The following FAM83B variants were observed in gnomAD, a reference collection of about 807,000 sequenced individuals.
FAM83B encodes the protein scaffolding CK1 anchoring protein B.
A neutral mutation model predicts 38.8 loss-of-function variants in FAM83B; 26 were observed. The observed-to-expected ratio is 0.67, with a 90% CI of 0.49 to 0.93. FAM83B has a LOEUF of 0.93. Among genes scored for constraint, FAM83B ranks in the 40% least tolerant of loss-of-function variants. The probability of loss-of-function intolerance (pLI) is 0.00; values close to 1 mark genes in which losing one functional copy is unlikely to be tolerated. For synonymous variants in FAM83B, 419 were observed against 423.1 expected (o/e 0.99, Z 0.12); for missense variants, 1,237 against 1,197.3 (o/e 1.03, Z -0.49).
At chr6:54,936,293 GTTTTCTAACCTCAAC>G (rs2127590671) in intron 4 of FAM83B, among the ~76,000 whole-genome samples, 1 of 152,144 alleles carries the variant, frequency 6.6e-6, no homozygotes, top group Non-Finnish European at 1.5e-5. Flanking sequence ...TATCTTCTTA[GTTTTCTAACCTCAAC>G]ACTTGGAAGT....
At chr6:54,925,563 T>C (rs1025193867) in intron 2 of FAM83B, among the ~76,000 whole-genome samples, 8 of 152,208 alleles carry the variant, frequency 5.3e-5, no homozygotes, top group Admixed American at 4.6e-4. Flanking sequence ...ACCTTTTTAA[T>C]TCACTTTTTT....
At chr6:54,896,289 CT>C (rs1339669583) in intron 2 of FAM83B, among the ~76,000 whole-genome samples, 1 of 152,174 alleles carries the variant, frequency 6.6e-6, no homozygotes, top group Non-Finnish European at 1.5e-5. Context: ...AACATTCTAC[CT>C]TTCTGGATTT....
At chr6:54,884,958 G>A (rs1772238896) in intron 2 of FAM83B, among the ~76,000 whole-genome samples, 1 of 152,028 alleles carries the variant, frequency 6.6e-6, no homozygotes, top group South Asian at 2.1e-4. Context: ...ATTTTTAGTA[G>A]AGACGGGGTT....
chr6:54,867,830 A>G (rs16886094), intron 1 of FAM83B, among the ~76,000 whole-genome samples: 3,180 of 152,252 alleles, frequency 0.021, 44 homozygotes, highest in Middle Eastern at 0.061. Context: ...GGTGTTTAAC[A>G]TCACATATAT....
At chr6:54,923,294 A>T (rs1282664528) in intron 2 of FAM83B, among the ~76,000 whole-genome samples, 1 of 152,104 alleles carries the variant, frequency 6.6e-6, no homozygotes, top group Non-Finnish European at 1.5e-5. Context: ...CCTTCATTTC[A>T]CTGCCTCTCA....
chr6:54,885,107 C>T (rs983280929), intron 2 of FAM83B, among the ~76,000 whole-genome samples: 2 of 151,990 alleles, frequency 1.3e-5, no homozygotes, highest in Admixed American at 6.6e-5. Context: ...GCCTTGGCTA[C>T]TCTAAATCTT....
chr6:54,923,340 T>G (rs193236145), intron 2 of FAM83B, among the ~76,000 whole-genome samples: 1 of 152,048 alleles, frequency 6.6e-6, no homozygotes, highest in Admixed American at 6.6e-5. Context: ...TATATCAAAC[T>G]TAAAGCCCAT....
At chr6:54,857,695 CT>C in intron 1 of FAM83B, among the ~76,000 whole-genome samples, 1 of 152,078 alleles carries the variant, frequency 6.6e-6, no homozygotes, top group East Asian at 1.9e-4. Flanking sequence ...ACTCAGTGGC[CT>C]TTAAGCAGCT....
At position 54,892,548 on chromosome 6, in the gene FAM83B, T is replaced by A. The variant is rs557996022; in HGVS notation, c.444+21858T>A. 4.4e-3 allele frequency among the ~76,000 whole-genome samples: 670 copies of A among 151,946 alleles called. 8 individuals carry two copies. The highest frequency in any genetic ancestry group is 0.015 in the African/African-American group (638 of 41,486). On this transcript the variant is annotated intron_variant, in intron 2 of 4. Coordinates refer to ENST00000306858, the MANE Select transcript of FAM83B (RefSeq NM_001010872.3). ...TTTAGTTTTCTGTTTCTGTGTTAGT[T>A]TGCTGAGGATAATGGCCTCCTCCAT...
At position 54,874,982 on chromosome 6, in the gene FAM83B, G is replaced by T. The variant is rs144635083; in HGVS notation, c.444+4292G>T. 2.1e-4 allele frequency among the ~76,000 whole-genome samples: 32 copies of T among 152,262 alleles called. 1 individual carries two copies. The East Asian group carries it at 5.6e-3, about 27-fold the overall frequency. On this transcript the variant is annotated intron_variant, in intron 2 of 4. Transcript: ENST00000306858. ...TTGGCCCCACAGATGCAAAGAGGAAGATGAACAGGTGATGGGGAATCTTCT... is the reference window on the plus strand; with the variant it reads ...TTGGCCCCACAGATGCAAAGAGGAATATGAACAGGTGATGGGGAATCTTCT...
chr6:54,916,646 T>C (rs1187079440), intron 2 of FAM83B, among the ~76,000 whole-genome samples: 1 of 152,192 alleles, frequency 6.6e-6, no homozygotes, highest in Admixed American at 6.5e-5. Flanking sequence ...GCTAATAGGA[T>C]GTTTAAAACG....
chr6:54,878,808 T>G (rs149358440), intron 2 of FAM83B, among the ~76,000 whole-genome samples: 1 of 151,794 alleles, frequency 6.6e-6, no homozygotes, highest in African/African-American at 2.4e-5. Context: ...TACTTCTGGC[T>G]GTAATATTGA....
intron 2 of FAM83B, among the ~76,000 whole-genome samples, chr6:54,919,718 C>T (rs897039390): frequency 4.1e-4 from 63 of 151,916 alleles, no homozygotes; most frequent in Admixed American, 4.1e-3. Flanking sequence ...ACTCAGTTCT[C>T]ATGTTTTAAT....
intron 1 of FAM83B, among the ~76,000 whole-genome samples, chr6:54,855,552 A>G (rs904399439): frequency 1.3e-5 from 2 of 152,246 alleles, no homozygotes; most frequent in Non-Finnish European, 2.9e-5. Context: ...TAGCTCTGTT[A>G]TTAACATAAG....
Position 54,927,572 on chromosome 6 carries a change from GA to G in FAM83B, c.679del (p.Met227TrpfsTer7). The G allele has an allele frequency of 1.2e-6, 2 of 1,608,670 alleles. No individual in the cohort carries two copies. Among genetic ancestry groups the G allele is most frequent in the Non-Finnish European group, 1.7e-6 (2 of 1,176,726 alleles). On this transcript the variant is annotated frameshift_variant, in exon 4 of 5. Coordinates refer to ENST00000306858, the MANE Select transcript of FAM83B (RefSeq NM_001010872.3). LOFTEE classifies it high-confidence loss of function. Reference protein sequence around the residue: ...YLSKTGAKFHGKMEQKFLLVD... With the variant: ...YLSKTGAKFHXKMEQKFLLVD... The stretch of plus-strand genomic sequence containing the variant: ...TCAAAAACAGGGGCAAAATTCCATG[GA>G]AAAATGGAACAGAAATTTTTGTTAG...
At chr6:54,883,896 G>A (rs1772201589) in intron 2 of FAM83B, among the ~76,000 whole-genome samples, 1 of 151,886 alleles carries the variant, frequency 6.6e-6, no homozygotes, top group South Asian at 2.1e-4. Context: ...GCAGCTGAGT[G>A]CAGTGGCTCA....
chr6:54,883,435 A>G (rs927526030), intron 2 of FAM83B, among the ~76,000 whole-genome samples: 7 of 147,886 alleles, frequency 4.7e-5, no homozygotes, highest in African/African-American at 1.5e-4. Context: ...CCCAGGTTCA[A>G]GTGATTCTCC....
chr6:54,927,472 C>CCAT, intron 3 of FAM83B, 36 bp from the exon 4 acceptor site: 1 of 1,482,090 alleles, frequency 6.7e-7, no homozygotes, highest in East Asian at 2.4e-5. Context: ...CTTTTCCTAG[C>CCAT]CATAATGTCT....
chr6:54,887,430 ACT>A (rs1295814567), intron 2 of FAM83B, among the ~76,000 whole-genome samples: 1 of 151,220 alleles, frequency 6.6e-6, no homozygotes, highest in African/African-American at 2.4e-5. Flanking sequence ...CCGAGGGATG[ACT>A]CTATTATATA....
Sources: gnomAD v4.1 joint callset for allele counts (sites outside exome capture counted in the v4.1 genomes callset) on GRCh38, gnomAD v4.1.1 for gene constraint, MANE v1.5 for transcripts, NCBI Gene and HGNC (gene_info 2026-07-23, HGNC 2026-07-21) for gene names.